Variants in DIAPH2 observed in about 807,000 individuals in gnomAD.
DIAPH2 encodes the protein protein diaphanous homolog 2.
Under a neutral mutation model 92.7 loss-of-function variants are expected in DIAPH2, and 35 were observed. That is an observed-to-expected ratio of 0.38 (90% CI 0.29 to 0.50). DIAPH2 has a LOEUF of 0.50. Among genes scored for constraint, DIAPH2 ranks in the 20% least tolerant of loss-of-function variants. DIAPH2 has a pLI of 0.94. For synonymous variants in DIAPH2, 301 were observed against 280.4 expected (o/e 1.07, Z -0.73); for missense variants, 701 against 819.5 (o/e 0.86, Z 1.77).
At chrX:97,400,469 T>C (rs2069745038) in intron 25 of DIAPH2, among the ~76,000 whole-genome samples, 1 of 111,995 alleles carries the variant, frequency 8.9e-6, no homozygotes, top group African/African-American at 3.2e-5. Flanking sequence ...TATGTATACA[T>C]TGTGAAATGA....
intron 4 of DIAPH2, among the ~76,000 whole-genome samples, chrX:96,803,859 G>A (rs1258825519): frequency 9.0e-6 from 1 of 110,978 alleles, no homozygotes; most frequent in African/African-American, 3.3e-5. Flanking sequence ...CCAACATGGT[G>A]AAACCCCGTC....
At chrX:96,770,627 G>T (rs1158203711) in intron 4 of DIAPH2, among the ~76,000 whole-genome samples, 1 of 111,534 alleles carries the variant, frequency 9.0e-6, no homozygotes, top group Admixed American at 9.5e-5. Flanking sequence ...GAAATTGTAG[G>T]ATAGTTGCTA....
intron 4 of DIAPH2, among the ~76,000 whole-genome samples, chrX:96,807,990 T>A (rs1015560348): frequency 3.0e-5 from 2 of 67,452 alleles, no homozygotes; most frequent in Non-Finnish European, 6.7e-5. Context: ...AAAAGTCTCC[T>A]TGTGATCCTT....
intron 4 of DIAPH2, among the ~76,000 whole-genome samples, chrX:96,773,944 C>A (rs2064358141): frequency 8.9e-6 from 1 of 111,827 alleles, no homozygotes; most frequent in African/African-American, 3.2e-5. Context: ...TGTTTGTGTT[C>A]CAGTCTGTGG....
At position 96,981,869 on chromosome X, in the gene DIAPH2, C is replaced by G. The variant is rs148353818; in HGVS notation, c.2050+16662C>G. On this transcript the variant is annotated intron_variant, in intron 17 of 26. Transcript: ENST00000324765. ...TCACTTCAAGATCCCTTTATCTGCC[C>G]CACAGGACAAGGGTAAGGGTATTAA... Among the ~76,000 whole-genome samples the G allele has an allele frequency of 6.5e-3, 729 of 111,500 alleles. 7 individuals are homozygous for G. Among genetic ancestry groups the G allele is most frequent in the African/African-American group, 0.023 (702 of 30,663 alleles).
chrX:96,973,300 C>A (rs1450819496), intron 17 of DIAPH2, among the ~76,000 whole-genome samples: 1 of 111,579 alleles, frequency 9.0e-6, no homozygotes, highest in African/African-American at 3.3e-5. Context: ...GACTTTGAGA[C>A]CAGCCTGGGC....
chrX:97,600,292 A>AAAAG lies in DIAPH2; in HGVS notation c.*978_*981dup, dbSNP rs1301667538. The AAAAG allele has an allele frequency of 1.8e-5, 2 of 112,422 alleles. No homozygotes were observed. The highest frequency in any genetic ancestry group is 6.5e-5 in the African/African-American group (2 of 30,978). 9.3% of individuals were successfully genotyped at this position (112,422 alleles called of 1,213,427 possible). A position where few individuals can be genotyped will look rare whatever the true frequency, so the allele number is the denominator to read the frequency against. Reference sequence around the variant, plus strand: ...TAGACTTCTAGAAAACCTGAGAGGAAAAAGAATTCTTTTTACAGGAGGCAG... The same window carrying AAAAG: ...TAGACTTCTAGAAAACCTGAGAGGAAAAAGAAAGAATTCTTTTTACAGGAGGCAG... On this transcript the variant is annotated 3_prime_UTR_variant, in exon 27 of 27. Transcript: ENST00000324765.
intron 17 of DIAPH2, among the ~76,000 whole-genome samples, chrX:97,059,322 T>C (rs1394789492): frequency 8.9e-6 from 1 of 111,951 alleles, no homozygotes; most frequent in Non-Finnish European, 1.9e-5. Flanking sequence ...CTGTACTCAC[T>C]TATACCTATT....
In DIAPH2 at chrX:96,798,311, T is replaced by G. The variant is rs1251110990; in HGVS notation, c.447+40053T>G. On this transcript the variant is annotated intron_variant, in intron 4 of 26. Transcript: ENST00000324765. ...ATAGTTTTTTTAGCCTTTTTTTCCC[T>G]CTCTGTGCTTCAGATTGGTAGTTCT... is the stretch of plus-strand genomic sequence containing the variant. Among the ~76,000 whole-genome samples the G allele has an allele frequency of 3.6e-5, 4 of 111,601 alleles. No individual in the cohort carries two copies. In the East Asian group the frequency reaches 1.1e-3, roughly 31 times the overall value.
At chrX:96,716,683 T>G (rs2063952145) in intron 1 of DIAPH2, among the ~76,000 whole-genome samples, 1 of 111,515 alleles carries the variant, frequency 9.0e-6, no homozygotes, top group Non-Finnish European at 1.9e-5. Flanking sequence ...TTTGTCAGTT[T>G]TCTGGAAGAG....
intron 16 of DIAPH2, among the ~76,000 whole-genome samples, chrX:96,962,490 CACACACATATATAT>C (rs1292399996): frequency 2.0e-5 from 1 of 48,938 alleles, no homozygotes; most frequent in Non-Finnish European, 3.2e-5. Context: ...CACACACACA[CACACACATATATAT>C]ATATATATAT....
chrX:96,946,047 C>G (rs1356401346), intron 14 of DIAPH2, among the ~76,000 whole-genome samples: 2 of 111,676 alleles, frequency 1.8e-5, no homozygotes, highest in African/African-American at 6.5e-5. Flanking sequence ...TTCTCACTCT[C>G]TTTCTCTCTG....
chrX:97,208,339 C>T (rs758272028), intron 22 of DIAPH2, among the ~76,000 whole-genome samples: 18 of 111,820 alleles, frequency 1.6e-4, no homozygotes, highest in Non-Finnish European at 3.4e-4. Context: ...AATAGAAACC[C>T]ATTTATCCTT....
chrX:97,266,396 G>A (rs867467780), intron 23 of DIAPH2, among the ~76,000 whole-genome samples: 28 of 112,087 alleles, frequency 2.5e-4, no homozygotes, highest in Middle Eastern at 4.6e-3. Context: ...TATGGACTTT[G>A]AAAGTAGGAG....
chrX:97,345,001 G>A (rs751024820), intron 23 of DIAPH2, among the ~76,000 whole-genome samples: 1 of 112,133 alleles, frequency 8.9e-6, no homozygotes, highest in East Asian at 2.8e-4. Context: ...TTAGGGAAGA[G>A]AGGCTAGAAA....
intron 21 of DIAPH2, among the ~76,000 whole-genome samples, chrX:97,117,131 G>A (rs1166972034): frequency 9.1e-6 from 1 of 109,891 alleles, no homozygotes; most frequent in East Asian, 2.8e-4. Flanking sequence ...TTTTCAGTAA[G>A]ATTTTTATCT....
intron 26 of DIAPH2, among the ~76,000 whole-genome samples, chrX:97,445,322 C>T (rs186687330): frequency 3.0e-4 from 33 of 111,580 alleles, no homozygotes; most frequent in African/African-American, 1.0e-3. Context: ...ACTTTATGGT[C>T]CTGAGGCTTT....
rs775062663 is a variant in DIAPH2 at position 96,880,024 on chromosome X, C to T, written c.448-1555C>T. On this transcript the variant is annotated intron_variant, in intron 4 of 26. Coordinates refer to ENST00000324765, the MANE Select transcript of DIAPH2 (RefSeq NM_006729.5). ...GATTCCAGGCATGAGCCACCGTCCC[C>T]GGCCCATCCAGTATATTTTTAACGT... Among the ~76,000 whole-genome samples, 17 of 111,693 alleles carry T rather than the reference C, an allele frequency of 1.5e-4. No individual in the cohort carries two copies. In the East Asian group the frequency reaches 3.4e-3, roughly 22 times the overall value.
intron 26 of DIAPH2, among the ~76,000 whole-genome samples, chrX:97,597,670 T>C (rs2071562709): frequency 8.9e-6 from 1 of 112,140 alleles, no homozygotes; most frequent in Non-Finnish European, 1.9e-5. Flanking sequence ...TGTAATCTCA[T>C]TTTTAAATGT....
Sources: allele counts gnomAD v4.1 joint callset (sites outside exome capture counted in the v4.1 genomes callset), GRCh38; gene constraint gnomAD v4.1.1; transcripts MANE v1.5; gene names NCBI Gene and HGNC (gene_info 2026-07-23, HGNC 2026-07-21).